Variants in EHMT1 observed in about 807,000 individuals in gnomAD.
The protein encoded by EHMT1 is euchromatic histone lysine methyltransferase 1.
Under a neutral mutation model 147.2 loss-of-function variants are expected in EHMT1, and 15 were observed. The observed-to-expected ratio is 0.10, with a 90% CI of 0.07 to 0.16. The LOEUF (loss-of-function observed/expected upper bound fraction) is 0.16. Ranked by LOEUF, EHMT1 falls within the 10% of genes least tolerant of loss-of-function variation. The pLI is 1.00. For missense variants in EHMT1, 1,587 were observed against 1,772.4 expected (o/e 0.90, Z 1.88); for synonymous variants, 795 against 709.6 (o/e 1.12, Z -1.91).
intron 15 of EHMT1, chr9:137,788,354 C>T (rs1217636286): frequency 3.2e-5 from 11 of 346,998 alleles, no homozygotes; most frequent in South Asian, 2.9e-4. Context: ...AGGCTCCACC[C>T]GCACCGCCTT....
intron 1 of EHMT1, among the ~76,000 whole-genome samples, chr9:137,673,191 C>T (rs1162181015): frequency 6.6e-6 from 1 of 152,152 alleles, no homozygotes; most frequent in Non-Finnish European, 1.5e-5. Flanking sequence ...AGGAACCTCC[C>T]AGCAGGTGTT....
intron 1 of EHMT1, among the ~76,000 whole-genome samples, chr9:137,657,214 G>T (rs1453865981): frequency 6.6e-6 from 1 of 152,218 alleles, no homozygotes; most frequent in Non-Finnish European, 1.5e-5. Flanking sequence ...TCTTGAGGAA[G>T]CAGCAGGAGC....
intron 26 of EHMT1, 57 bp downstream of exon 26, chr9:137,834,581 C>A (rs905899312): frequency 6.2e-6 from 10 of 1,604,880 alleles, no homozygotes; most frequent in Non-Finnish European, 8.5e-6. Flanking sequence ...GTTTTAGGAA[C>A]GGGGCTCGCA....
At chr9:137,710,271 A>G (rs1944584816) in intron 1 of EHMT1, among the ~76,000 whole-genome samples, 1 of 152,168 alleles carries the variant, frequency 6.6e-6, no homozygotes, top group Admixed American at 6.5e-5. Context: ...CAGGAGTTTG[A>G]GACCAGCCTG....
chr9:137,672,920 A>C (rs1021384079), intron 1 of EHMT1, among the ~76,000 whole-genome samples: 1 of 152,240 alleles, frequency 6.6e-6, no homozygotes, highest in Non-Finnish European at 1.5e-5. Flanking sequence ...CCGATTGCAG[A>C]GAATTTATTA....
chr9:137,759,572 C>T (rs1203654710), intron 9 of EHMT1, among the ~76,000 whole-genome samples: 11 of 152,148 alleles, frequency 7.2e-5, no homozygotes, highest in South Asian at 4.1e-4. Flanking sequence ...AACACAAAGC[C>T]GGAGGAGAAA....
At chr9:137,632,953 C>G (rs1307258866) in intron 1 of EHMT1, among the ~76,000 whole-genome samples, 2 of 152,220 alleles carry the variant, frequency 1.3e-5, no homozygotes, top group African/African-American at 4.8e-5. Context: ...CTCTGGCTTC[C>G]TTCCTGGTCT....
At chr9:137,676,591 A>C (rs1941351083) in intron 1 of EHMT1, 1 of 152,470 alleles carries the variant, frequency 6.6e-6, no homozygotes. Flanking sequence ...GCCTAGGCAG[A>C]TAAAAAGGAG....
chr9:137,765,067 G>A (rs919521827), intron 10 of EHMT1, among the ~76,000 whole-genome samples: 3 of 152,258 alleles, frequency 2.0e-5, no homozygotes, highest in East Asian at 1.9e-4. Flanking sequence ...GGGTTTCTGC[G>A]GCGGCCGCCT....
intron 1 of EHMT1, among the ~76,000 whole-genome samples, chr9:137,710,005 G>C (rs571301226): frequency 6.6e-6 from 1 of 152,264 alleles, no homozygotes; most frequent in South Asian, 2.1e-4. Context: ...GCCCCCAGCT[G>C]TGGGTGGGGC....
At chr9:137,725,024 C>T (rs1021020726) in intron 3 of EHMT1, among the ~76,000 whole-genome samples, 26 of 142,662 alleles carry the variant, frequency 1.8e-4, no homozygotes, top group East Asian at 1.4e-3. Flanking sequence ...ATGGGGCAGG[C>T]GTGTGGCCTT....
chr9:137,722,813 A>G (rs1245743485), intron 3 of EHMT1, among the ~76,000 whole-genome samples: 2 of 152,090 alleles, frequency 1.3e-5, no homozygotes, highest in East Asian at 3.9e-4. Flanking sequence ...TGTGGCAGAG[A>G]CTATGGGAAG....
At chr9:137,716,551 G>A (rs1047380276) in intron 2 of EHMT1, 75 bp from the exon 3 acceptor site, 162 of 1,424,494 alleles carry the variant, frequency 1.1e-4, no homozygotes, top group Non-Finnish European at 1.5e-4. Flanking sequence ...TCATGGTGGG[G>A]GAGGAAGTGG....
chr9:137,727,602 G>T (rs991894205), intron 3 of EHMT1, among the ~76,000 whole-genome samples: 15 of 152,116 alleles, frequency 9.9e-5, no homozygotes, highest in South Asian at 2.1e-4. Flanking sequence ...ACTGTGTATT[G>T]CACCCACTAT....
intron 5 of EHMT1, 68 bp from the exon 6 acceptor site, chr9:137,743,834 A>G: frequency 6.5e-7 from 1 of 1,531,822 alleles, no homozygotes; most frequent in Non-Finnish European, 8.8e-7. Flanking sequence ...AAGACTCCTC[A>G]GTGAAAGCAA....
In EHMT1 at chr9:137,830,021, A is replaced by G. The variant is rs185697909; in HGVS notation, c.3541-4328A>G. Among the ~76,000 whole-genome samples, 16 of 152,312 alleles carry G rather than the reference A, an allele frequency of 1.1e-4. No homozygotes were observed. The East Asian group carries it at 3.1e-3, about 29-fold the overall frequency. Reference sequence around the variant, plus strand: ...CATTTAGTTATCAAGTTTCAGAGGGAGGAAGTAGCAGCAAAGAAATTTTGG... The same window carrying G: ...CATTTAGTTATCAAGTTTCAGAGGGGGGAAGTAGCAGCAAAGAAATTTTGG... On this transcript the variant is annotated intron_variant, in intron 25 of 26. Transcript: ENST00000460843.
intron 2 of EHMT1, among the ~76,000 whole-genome samples, chr9:137,711,952 C>T (rs1039593592): frequency 3.9e-5 from 6 of 152,178 alleles, no homozygotes; most frequent in African/African-American, 9.7e-5. Flanking sequence ...GCCGTGTTCT[C>T]CTTTCACCCT....
At chr9:137,800,553 A>C in intron 17 of EHMT1, 1 of 393,166 alleles carries the variant, frequency 2.5e-6, no homozygotes, top group South Asian at 2.5e-5. Context: ...GTGCCATTAG[A>C]CTCGTTGCAC....
intron 1 of EHMT1, among the ~76,000 whole-genome samples, chr9:137,624,941 G>A (rs1843161769): frequency 6.6e-6 from 1 of 150,790 alleles, no homozygotes; most frequent in Admixed American, 6.6e-5. Context: ...GGAGTGCAGT[G>A]ACGCGATTGG....
Sources: gnomAD v4.1 joint callset for allele counts (sites outside exome capture counted in the v4.1 genomes callset) on GRCh38, gnomAD v4.1.1 for gene constraint, MANE v1.5 for transcripts, NCBI Gene and HGNC (gene_info 2026-07-23, HGNC 2026-07-21) for gene names.